The following KCNH7 variants were observed in gnomAD, a reference collection of about 807,000 sequenced individuals.
KCNH7 encodes the protein potassium voltage-gated channel subfamily H member 7, also known as voltage-gated inwardly rectifying potassium channel KCNH7.
In KCNH7, 49 loss-of-function variants were observed where a neutral mutation model predicts 120.8. That is an observed-to-expected ratio of 0.41 (90% CI 0.32 to 0.51). The LOEUF (loss-of-function observed/expected upper bound fraction) is 0.51. Ranked by LOEUF, KCNH7 falls within the 20% of genes least tolerant of loss-of-function variation. KCNH7 has a pLI of 0.38. For synonymous variants in KCNH7, 547 were observed against 516.1 expected, an observed-to-expected ratio of 1.06 and a Z score of -0.81; for missense variants, 1,097 against 1,446.6, an observed-to-expected ratio of 0.76 and a Z score of 3.92.
chr2:162,493,581 G>A (rs1003703806), intron 6 of KCNH7, among the ~76,000 whole-genome samples: 1 of 152,164 alleles, frequency 6.6e-6, no homozygotes, highest in South Asian at 2.1e-4. Flanking sequence ...AATTTGGTAA[G>A]GCCTAGGGAC....
chr2:162,532,967 C>T (rs114093032), intron 3 of KCNH7, among the ~76,000 whole-genome samples: 1,752 of 151,770 alleles, frequency 0.012, 11 homozygotes, highest in Non-Finnish European at 0.019. Flanking sequence ...ATATTGTTGA[C>T]GAAAACTGCA....
chr2:162,411,896 G>T (rs752883345), intron 9 of KCNH7, among the ~76,000 whole-genome samples: 157 of 151,874 alleles, frequency 1.0e-3, no homozygotes, highest in Non-Finnish European at 2.1e-3. Flanking sequence ...TGCTGCTGAT[G>T]ATTGTATGCT....
intron 12 of KCNH7, among the ~76,000 whole-genome samples, chr2:162,390,585 A>G (rs1442425479): frequency 6.6e-6 from 1 of 151,860 alleles, no homozygotes; most frequent in Non-Finnish European, 1.5e-5. Flanking sequence ...TTTATTCTTC[A>G]CTTTCTGTAA....
At chr2:162,812,700 T>A (rs1394203951) in intron 2 of KCNH7, among the ~76,000 whole-genome samples, 1 of 152,084 alleles carries the variant, frequency 6.6e-6, no homozygotes, top group Admixed American at 6.6e-5. Context: ...GAAACAGTTC[T>A]ACAGGTAAGG....
chr2:162,542,678 C>G (rs552938077), intron 2 of KCNH7, among the ~76,000 whole-genome samples: 1 of 152,010 alleles, frequency 6.6e-6, no homozygotes, highest in Non-Finnish European at 1.5e-5. Flanking sequence ...GGTTCCAAGT[C>G]TTTGCTATTG....
chr2:162,417,314 C>A (rs1396893149), intron 9 of KCNH7, among the ~76,000 whole-genome samples: 1 of 152,142 alleles, frequency 6.6e-6, no homozygotes, highest in Non-Finnish European at 1.5e-5. Context: ...TTGATGATCT[C>A]TATTTTTTAT....
rs1686530592 is a variant in KCNH7 at position 162,384,901 on chromosome 2, T to C, written c.2749A>G (p.Ile917Val). 18 of 1,612,072 alleles carry C rather than the reference T, an allele frequency of 1.1e-5. No individual in the cohort carries two copies. Among genetic ancestry groups the C allele is most frequent in the Non-Finnish European group, 1.4e-5 (16 of 1,178,586 alleles). The change falls in exon 13 of 16, where the codon ATA becomes GTA. Residue 917 changes from isoleucine to valine, a missense_variant. Ile to Val is a conservative substitution (Grantham distance 29, BLOSUM62 3). Around this residue, in one of 8 missense-constraint regions of KCNH7, gnomAD observed 406 missense variants for 410.5 expected, o/e 0.99. Transcript: ENST00000332142. ...TNDPEDSADT[I>V]RHYQSSKRHF... is the part of the protein sequence containing the mutation. ...CTCTTGGAACTCTGATAATGTCTTA[T>C]GGTATCTGCAGAGTCTTCAGGATCA...
intron 12 of KCNH7, among the ~76,000 whole-genome samples, chr2:162,385,479 G>T (rs1686545955): frequency 6.6e-6 from 1 of 151,900 alleles, no homozygotes; most frequent in African/African-American, 2.4e-5. Context: ...CAGTTTGGTT[G>T]TGTAGCATAA....
chr2:162,521,924 C>T (rs1691542405), intron 3 of KCNH7, among the ~76,000 whole-genome samples: 1 of 151,870 alleles, frequency 6.6e-6, no homozygotes, highest in East Asian at 1.9e-4. Flanking sequence ...GCTACCCTTC[C>T]TATCCTCTGG....
intron 2 of KCNH7, among the ~76,000 whole-genome samples, chr2:162,650,420 T>C (rs531206791): frequency 1.3e-5 from 2 of 152,316 alleles, no homozygotes; most frequent in Admixed American, 1.3e-4. Context: ...GATCCAGTTG[T>C]TCAGGAATAT....
intron 6 of KCNH7, among the ~76,000 whole-genome samples, chr2:162,468,854 CTT>C (rs531099082): frequency 9.7e-5 from 14 of 143,600 alleles, no homozygotes; most frequent in Admixed American, 7.0e-5. Flanking sequence ...GCCTCTTTCC[CTT>C]TTTTTTTTTT....
intron 6 of KCNH7, among the ~76,000 whole-genome samples, chr2:162,499,363 A>T (rs1394734072): frequency 6.6e-6 from 1 of 151,450 alleles, no homozygotes; most frequent in Non-Finnish European, 1.5e-5. Context: ...ACTCTCCACC[A>T]CTCCATTGGA....
intron 12 of KCNH7, among the ~76,000 whole-genome samples, chr2:162,392,273 C>CGTGT (rs368607515): frequency 1.3e-5 from 2 of 149,452 alleles, no homozygotes; most frequent in East Asian, 2.0e-4. Flanking sequence ...GGTATGAATT[C>CGTGT]GTGTGTGTGT....
intron 2 of KCNH7, among the ~76,000 whole-genome samples, chr2:162,706,345 G>C (rs571892016): frequency 2.1e-4 from 32 of 152,184 alleles, no homozygotes; most frequent in African/African-American, 6.7e-4. Flanking sequence ...AATGATGGTG[G>C]TGTTGTTATT....
At chr2:162,650,053 T>C (rs1271778070) in intron 2 of KCNH7, among the ~76,000 whole-genome samples, 1 of 152,220 alleles carries the variant, frequency 6.6e-6, no homozygotes, top group Admixed American at 6.5e-5. Context: ...ACCTTTTACA[T>C]ATTACATGCT....
rs1685742775 is a variant in KCNH7, at chr2:162,838,577, C to T, written c.-59G>A. Reference sequence around the variant, plus strand: ...GAGCTCTGGAGTTCTCCCGGGATCTCTCCTCGGCTAGAGCCCAGGCCAGCG... The same window carrying T: ...GAGCTCTGGAGTTCTCCCGGGATCTTTCCTCGGCTAGAGCCCAGGCCAGCG... On this transcript the variant is annotated 5_prime_UTR_variant, in exon 1 of 16. Coordinates refer to ENST00000332142, the MANE Select transcript of KCNH7 (RefSeq NM_033272.4). 4 of 1,429,180 alleles carry T rather than the reference C, an allele frequency of 2.8e-6. No individual in the cohort carries two copies. The highest frequency in any genetic ancestry group is 3.9e-6 in the Non-Finnish European group (4 of 1,027,246). 88.5% of individuals were successfully genotyped at this position (1,429,180 alleles called of 1,614,324 possible). A position where few individuals can be genotyped will look rare whatever the true frequency, so the allele number is the denominator to read the frequency against.
At chr2:162,621,278 A>G (rs1435703673) in intron 2 of KCNH7, among the ~76,000 whole-genome samples, 1 of 11,830 alleles carries the variant, frequency 8.5e-5, no homozygotes, top group Admixed American at 1.3e-3. Flanking sequence ...TTTTTTTTTT[A>G]AGAGAGAGAA....
At chr2:162,764,063 T>C (rs1462048871) in intron 2 of KCNH7, among the ~76,000 whole-genome samples, 1 of 152,122 alleles carries the variant, frequency 6.6e-6, no homozygotes, top group African/African-American at 2.4e-5. Context: ...ATTTCTTTCT[T>C]TCCAAATATT....
chr2:162,656,436 T>C (rs754546077), intron 2 of KCNH7, among the ~76,000 whole-genome samples: 11 of 152,222 alleles, frequency 7.2e-5, no homozygotes, highest in Non-Finnish European at 1.5e-4. Context: ...TCTCCTTGAC[T>C]TCCCCTAACT....
Sources: allele counts gnomAD v4.1 joint callset (sites outside exome capture counted in the v4.1 genomes callset), GRCh38; gene constraint gnomAD v4.1.1; regional missense constraint gnomAD v4.1.1; transcripts MANE v1.5; gene names NCBI Gene and HGNC (gene_info 2026-07-23, HGNC 2026-07-21).